The following MTPN variants were observed in gnomAD, a reference collection of about 807,000 sequenced individuals.
The protein encoded by MTPN is myotrophin, also known as granule cell differentiation protein.
Under a neutral mutation model 13.5 loss-of-function variants are expected in MTPN, and 2 were observed. That is an observed-to-expected ratio of 0.15 (90% confidence interval 0.06 to 0.47). The LOEUF is 0.47. Among genes scored for constraint, MTPN ranks in the 20% least tolerant of loss-of-function variants. MTPN has a pLI of 0.97. For synonymous variants in MTPN, 46 were observed against 51.7 expected (o/e 0.89, Z 0.48); for missense variants, 79 against 137.9 (o/e 0.57, Z 2.14).
chr7:135,948,231 A>G (rs1799313330), intron 3 of MTPN, among the ~76,000 whole-genome samples: 1 of 152,238 alleles, frequency 6.6e-6, no homozygotes, highest in South Asian at 2.1e-4. Context: ...ACTACAGGGT[A>G]TCCATTAAAG....
chr7:135,930,045 G>T, intron 3 of MTPN, 33 bp from the exon 4 acceptor site: 1 of 1,293,976 alleles, frequency 7.7e-7, no homozygotes, highest in Non-Finnish European at 1.1e-6. Context: ...CATTAAATGA[G>T]CCCACAACTG....
chr7:135,951,681 G>T, intron 1 of MTPN, 51 bp from the exon 2 acceptor site: 1 of 1,217,410 alleles, frequency 8.2e-7, no homozygotes, highest in South Asian at 1.4e-5. Flanking sequence ...GAAGACTGAA[G>T]AAGTGAAATG....
chr7:135,928,616 T>C lies in MTPN; in HGVS notation c.*1310A>G, dbSNP rs1798966279. ...TATTTTAAATGTAAGATATAAAATT[T>C]AAGCTTATATATTTTAATTAGCTGT... On this transcript the variant is annotated 3_prime_UTR_variant, in exon 4 of 4. Coordinates refer to ENST00000393085, the MANE Select transcript of MTPN (RefSeq NM_145808.4). 6.0e-6 allele frequency: 1 copy of C among 166,966 alleles called. No homozygotes were observed. Among genetic ancestry groups the C allele is most frequent in the Admixed American group, 6.5e-5 (1 of 15,284 alleles). 10.3% of individuals were successfully genotyped at this position (166,966 alleles called of 1,614,324 possible).
chr7:135,927,995 A>C lies in MTPN; in HGVS notation c.*1931T>G. 1 of 272,822 alleles carries C rather than the reference A, an allele frequency of 3.7e-6. No individual in the cohort carries two copies. The allele number at this position is 272,822 out of a possible 1,614,324, so 16.9% of individuals were successfully genotyped here. A position where few individuals can be genotyped will look rare whatever the true frequency, so the allele number is the denominator to read the frequency against. ...TAAATAGCATTATGTCAAGAGGTGA[A>C]AACAAAGGTATCAAAACACCCTGTT... On this transcript the variant is annotated 3_prime_UTR_variant, in exon 4 of 4. Transcript: ENST00000393085.
chr7:135,970,098 T>C (rs912914038), intron 1 of MTPN, among the ~76,000 whole-genome samples: 2 of 152,174 alleles, frequency 1.3e-5, no homozygotes, highest in African/African-American at 4.8e-5. Flanking sequence ...AAAGATGCAC[T>C]GGAAACAAAA....
In MTPN at chr7:135,928,914, C is replaced by G. The variant is rs879661026; in HGVS notation, c.*1012G>C. On this transcript the variant is annotated 3_prime_UTR_variant, in exon 4 of 4. Transcript: ENST00000393085. ...ATTTGTCCAAACAGTAAATCTCACC[C>G]CAGTGATAGCTTTGGTGCAGTAAGT... 1.2e-5 allele frequency: 2 copies of G among 167,008 alleles called. No individual in the cohort carries two copies. The highest frequency in any genetic ancestry group is 2.9e-5 in the Non-Finnish European group (2 of 68,114). 10.3% of individuals were successfully genotyped at this position (167,008 alleles called of 1,614,324 possible). A position where few individuals can be genotyped will look rare whatever the true frequency, so the allele number is the denominator to read the frequency against.
At chr7:135,946,398 A>C (rs1799289525) in intron 3 of MTPN, among the ~76,000 whole-genome samples, 2 of 152,256 alleles carry the variant, frequency 1.3e-5, no homozygotes, top group Non-Finnish European at 2.9e-5. Context: ...GGGAAGCATC[A>C]TCTTACCACT....
At position 135,977,032 on chromosome 7, in the gene MTPN, G is replaced by A. The variant is rs1799786686; in HGVS notation, c.69C>T (p.Ala23=). 2 of 1,606,330 alleles carry A rather than the reference G, an allele frequency of 1.2e-6. No homozygotes were observed. Among genetic ancestry groups the A allele is most frequent in the Non-Finnish European group, 1.7e-6 (2 of 1,176,122 alleles). Residue 23 remains alanine (A), a synonymous_variant, in exon 1 of 4, where the codon GCC becomes GCT. Transcript: ENST00000393085. ...TACTCTTCTCATCCCCGCTTACCTT[G>A]GCCACATAGTCTTTCACCTCATCCA... is the stretch of plus-strand genomic sequence containing the variant. ...GDLDEVKDYV[A]KGEDVNRTLE...
At chr7:135,968,037 C>A (rs916662599) in intron 1 of MTPN, among the ~76,000 whole-genome samples, 1 of 152,098 alleles carries the variant, frequency 6.6e-6, no homozygotes, top group African/African-American at 2.4e-5. Flanking sequence ...AGTGATAGAT[C>A]CTCCTGCCTT....
intron 1 of MTPN, among the ~76,000 whole-genome samples, chr7:135,960,422 C>A (rs1799503280): frequency 6.6e-6 from 1 of 151,864 alleles, no homozygotes; most frequent in African/African-American, 2.4e-5. Context: ...ACAAAACCAC[C>A]AGCACTAGGA....
chr7:135,976,055 A>G (rs1799768151), intron 1 of MTPN, among the ~76,000 whole-genome samples: 1 of 152,246 alleles, frequency 6.6e-6, no homozygotes. Context: ...GTTGTCATAA[A>G]ATTATACTTG....
Position 135,977,012 on chromosome 7 carries a change from T to C in MTPN, c.72+17A>G. 6.7e-7 allele frequency: 1 copy of C among 1,497,582 alleles called. No individual in the cohort carries two copies. The highest frequency in any genetic ancestry group is 9.0e-7 in the Non-Finnish European group (1 of 1,105,734). 92.8% of individuals were successfully genotyped at this position (1,497,582 alleles called of 1,614,324 possible). On this transcript the variant is annotated intron_variant, in intron 1 of 3. Coordinates refer to ENST00000393085, the MANE Select transcript of MTPN (RefSeq NM_145808.4). ...CCCACCTCCGTGTTCTCGCCTACTC[T>C]TCTCATCCCCGCTTACCTTGGCCAC...
chr7:135,935,440 CTG>C (rs893287804), intron 3 of MTPN, among the ~76,000 whole-genome samples: 5 of 152,156 alleles, frequency 3.3e-5, no homozygotes, highest in African/African-American at 1.2e-4. Flanking sequence ...TAGGGTTTCA[CTG>C]TGTTAGCCAG....
intron 3 of MTPN, among the ~76,000 whole-genome samples, chr7:135,945,975 T>A (rs34666185): frequency 0.016 from 2,445 of 152,134 alleles, 31 homozygotes; most frequent in African/African-American, 0.037. Flanking sequence ...ATAATAATAA[T>A]AAAATAGAAC....
chr7:135,943,137 C>A lies in MTPN; in HGVS notation c.270+7462G>T, dbSNP rs554484104. On this transcript the variant is annotated intron_variant, in intron 3 of 3. Coordinates refer to ENST00000393085, the MANE Select transcript of MTPN (RefSeq NM_145808.4). Reference sequence around the variant, plus strand: ...AAACTTTTTTGAAACCCAACTTGACCATGTTATATGGAACAGAATTTTGGG... The same window carrying A: ...AAACTTTTTTGAAACCCAACTTGACAATGTTATATGGAACAGAATTTTGGG... Among the ~76,000 whole-genome samples, 5 of 152,268 alleles carry A rather than the reference C, an allele frequency of 3.3e-5. No homozygotes were observed. In the South Asian group the frequency reaches 1.0e-3, roughly 32 times the overall value.
intron 1 of MTPN, among the ~76,000 whole-genome samples, chr7:135,959,198 A>C (rs1799487948): frequency 6.6e-6 from 1 of 151,966 alleles, no homozygotes; most frequent in South Asian, 2.1e-4. Flanking sequence ...TATCAAGTGG[A>C]TGTACCATAG....
At chr7:135,948,753 A>T (rs1230613413) in intron 3 of MTPN, among the ~76,000 whole-genome samples, 1 of 152,206 alleles carries the variant, frequency 6.6e-6, no homozygotes, top group African/African-American at 2.4e-5. Context: ...AGGAGGACAG[A>T]GAGGTCTAAC....
intron 1 of MTPN, among the ~76,000 whole-genome samples, chr7:135,976,474 A>C (rs1799774311): frequency 6.6e-6 from 1 of 152,218 alleles, no homozygotes; most frequent in African/African-American, 2.4e-5. Flanking sequence ...GGCCACACCC[A>C]AAGTTAAGAC....
intron 1 of MTPN, among the ~76,000 whole-genome samples, chr7:135,963,244 C>A (rs910466940): frequency 1.3e-5 from 2 of 151,968 alleles, no homozygotes; most frequent in East Asian, 3.9e-4. Context: ...AATGACAGAT[C>A]CATTTGAGAT....
Sources: allele counts gnomAD v4.1 joint callset (sites outside exome capture counted in the v4.1 genomes callset), GRCh38; gene constraint gnomAD v4.1.1; transcripts MANE v1.5; gene names NCBI Gene and HGNC (gene_info 2026-07-23, HGNC 2026-07-21).